The following PTPRJ variants were observed in gnomAD, a reference collection of about 807,000 sequenced individuals.
The protein encoded by PTPRJ is receptor-type tyrosine-protein phosphatase eta.
Under a neutral mutation model 141.3 loss-of-function variants are expected in PTPRJ, and 129 were observed. The observed-to-expected ratio is 0.91, with a 90% CI of 0.79 to 1.06. The LOEUF (loss-of-function observed/expected upper bound fraction) is 1.06, where lower values mean the gene tolerates loss of function less well. PTPRJ is among the 50% of genes least tolerant of loss of function. The pLI is 0.00. For missense variants in PTPRJ, 1,601 were observed against 1,679.7 expected (o/e 0.95, Z 0.82); for synonymous variants, 610 against 640.5 (o/e 0.95, Z 0.72).
In PTPRJ at chr11:48,164,454, TG is replaced by T; in HGVS notation, c.3796del (p.Asp1266MetfsTer15). 2.5e-6 allele frequency: 4 copies of T among 1,613,958 alleles called. No individual in the cohort carries two copies. Among genetic ancestry groups the T allele is most frequent in the Non-Finnish European group, 3.4e-6 (4 of 1,179,990 alleles). Reference sequence around the variant, plus strand: ...TACCAGATAGAGAATGAGAACACCGTGGATGTGTATGGGATTGTGTATGACC... The same window carrying T: ...TACCAGATAGAGAATGAGAACACCGTGATGTGTATGGGATTGTGTATGACC... ...LIYQIENENT[V>X]DVYGIVYDLR... is the part of the protein sequence containing the mutation. On this transcript the variant is annotated frameshift_variant, in exon 24 of 25. Transcript: ENST00000418331. LOFTEE classifies it high-confidence loss of function.
intron 1 of PTPRJ, among the ~76,000 whole-genome samples, chr11:48,043,154 T>C (rs1023660847): frequency 5.3e-5 from 8 of 152,194 alleles, no homozygotes; most frequent in African/African-American, 1.4e-4. Flanking sequence ...CCTTTTGTGT[T>C]GAACTTTCTC....
At chr11:48,048,799 TAAAAATAAAAAC>T (rs1414589576) in intron 1 of PTPRJ, among the ~76,000 whole-genome samples, 1 of 151,982 alleles carries the variant, frequency 6.6e-6, no homozygotes, top group Non-Finnish European at 1.5e-5. Context: ...ATCTCAAGAA[TAAAAATAAAAAC>T]AAAAATAAAC....
intron 1 of PTPRJ, among the ~76,000 whole-genome samples, chr11:48,062,178 C>A (rs1410415494): frequency 6.6e-6 from 1 of 151,288 alleles, no homozygotes; most frequent in African/African-American, 2.4e-5. Flanking sequence ...GGACTACAGG[C>A]ATGAACTACC....
chr11:48,146,386 G>T (rs1857350876), intron 14 of PTPRJ, among the ~76,000 whole-genome samples: 1 of 152,186 alleles, frequency 6.6e-6, no homozygotes. Flanking sequence ...CCTAGTTGGT[G>T]GTTGTTGGGC....
chr11:48,036,548 A>G (rs1403382869), intron 1 of PTPRJ, among the ~76,000 whole-genome samples: 3 of 152,222 alleles, frequency 2.0e-5, no homozygotes, highest in Admixed American at 6.5e-5. Flanking sequence ...AGTGATTTTT[A>G]GTGGTGGCCT....
At chr11:47,994,902 T>C (rs1405833522) in intron 1 of PTPRJ, among the ~76,000 whole-genome samples, 2 of 151,976 alleles carry the variant, frequency 1.3e-5, no homozygotes, top group African/African-American at 4.8e-5. Flanking sequence ...AACAAAGAAA[T>C]CTCTACCCTG....
intron 1 of PTPRJ, among the ~76,000 whole-genome samples, chr11:48,054,646 G>T (rs955442522): frequency 6.6e-6 from 1 of 151,928 alleles, no homozygotes; most frequent in Non-Finnish European, 1.5e-5. Context: ...CCTGATGTAC[G>T]CCAGGCCTCT....
chr11:48,141,242 G>A (rs1262611146), intron 11 of PTPRJ, among the ~76,000 whole-genome samples: 1 of 152,000 alleles, frequency 6.6e-6, no homozygotes, highest in Non-Finnish European at 1.5e-5. Flanking sequence ...AATTTAGGTA[G>A]AGAGAGAGAG....
chr11:48,087,435 TAC>T (rs1329072728), intron 1 of PTPRJ, among the ~76,000 whole-genome samples: 1 of 152,238 alleles, frequency 6.6e-6, no homozygotes, highest in African/African-American at 2.4e-5. Flanking sequence ...TTTAGCATAG[TAC>T]AAAGTTGTGG....
At chr11:48,083,893 G>A (rs77702201) in intron 1 of PTPRJ, among the ~76,000 whole-genome samples, 2,107 of 152,284 alleles carry the variant, frequency 0.014, 50 homozygotes, top group African/African-American at 0.048. Flanking sequence ...TGAGGTCAAA[G>A]TATTTTTATA....
chr11:48,094,822 A>G (rs921293713), intron 1 of PTPRJ, among the ~76,000 whole-genome samples: 1 of 152,150 alleles, frequency 6.6e-6, no homozygotes, highest in Non-Finnish European at 1.5e-5. Context: ...CAGGGTAGCA[A>G]GAGGATGGAT....
chr11:48,006,805 A>G (rs1353786949), intron 1 of PTPRJ, among the ~76,000 whole-genome samples: 1 of 152,088 alleles, frequency 6.6e-6, no homozygotes, highest in Non-Finnish European at 1.5e-5. Context: ...AAAGCTTGTC[A>G]TTGCCAGTTA....
chr11:48,000,982 A>ATTTTTTTTTT (rs1002159076), intron 1 of PTPRJ, among the ~76,000 whole-genome samples: 2 of 122,882 alleles, frequency 1.6e-5, no homozygotes, highest in African/African-American at 3.2e-5. Context: ...GTCCCATATA[A>ATTTTTTTTTT]TTTTTTTTTT....
At chr11:48,066,886 T>G (rs1348875441) in intron 1 of PTPRJ, among the ~76,000 whole-genome samples, 1 of 152,134 alleles carries the variant, frequency 6.6e-6, no homozygotes, top group East Asian at 1.9e-4. Flanking sequence ...GCCCCCAGCC[T>G]TCCAGTCGTA....
At chr11:48,002,064 C>T (rs568979879) in intron 1 of PTPRJ, among the ~76,000 whole-genome samples, 1 of 151,876 alleles carries the variant, frequency 6.6e-6, no homozygotes, top group Admixed American at 6.6e-5. Context: ...TGTTTTGGGC[C>T]TTGGTGCTCA....
At chr11:48,018,135 G>A (rs780122860) in intron 1 of PTPRJ, among the ~76,000 whole-genome samples, 3 of 150,814 alleles carry the variant, frequency 2.0e-5, no homozygotes, top group Non-Finnish European at 4.4e-5. Flanking sequence ...CTTCTAAGTA[G>A]CTTTATCATT....
At chr11:48,085,633 C>T (rs564303538) in intron 1 of PTPRJ, among the ~76,000 whole-genome samples, 3 of 152,236 alleles carry the variant, frequency 2.0e-5, no homozygotes, top group South Asian at 4.1e-4. Context: ...GCTGGGATTG[C>T]GGGCATGAGC....
intron 1 of PTPRJ, among the ~76,000 whole-genome samples, chr11:48,020,369 T>G (rs988945439): frequency 6.6e-6 from 1 of 152,182 alleles, no homozygotes; most frequent in African/African-American, 2.4e-5. Context: ...TTGGCGTTGG[T>G]GGTGGAGGGC....
chr11:48,078,057 C>T (rs1199351990), intron 1 of PTPRJ, among the ~76,000 whole-genome samples: 18 of 148,128 alleles, frequency 1.2e-4, no homozygotes, highest in South Asian at 2.1e-4. Context: ...TTTTTTTTTT[C>T]TTTTTCTTTT....
Sources: allele counts gnomAD v4.1 joint callset (sites outside exome capture counted in the v4.1 genomes callset), GRCh38; gene constraint gnomAD v4.1.1; transcripts MANE v1.5; gene names NCBI Gene and HGNC (gene_info 2026-07-23, HGNC 2026-07-21).